The following PTPRU variants were observed in gnomAD, a reference collection of about 807,000 sequenced individuals.
PTPRU encodes protein tyrosine phosphatase receptor type U.
PTPRU carries 69 observed loss-of-function variants against 166.3 expected under a neutral mutation model. The ratio of observed to expected loss-of-function variants is 0.41; its 90% CI spans 0.34 to 0.51. The LOEUF is 0.51. Among genes scored for constraint, PTPRU ranks in the 20% least tolerant of loss-of-function variants. The pLI, the probability that PTPRU is intolerant of heterozygous loss-of-function variation, is 0.09. For missense variants in PTPRU, 1,657 were observed against 2,013.7 expected, an observed-to-expected ratio of 0.82 and a Z score of 3.39; for synonymous variants, 793 against 814.0, an observed-to-expected ratio of 0.97 and a Z score of 0.44.
At chr1:29,278,678 A>G (rs1472922125) in intron 8 of PTPRU, among the ~76,000 whole-genome samples, 3 of 152,244 alleles carry the variant, frequency 2.0e-5, no homozygotes, top group Admixed American at 6.5e-5. Context: ...AAACTACCCA[A>G]CTGGAACAAA....
chr1:29,259,194 A>G, intron 3 of PTPRU, 67 bp from the exon 4 acceptor site: 22 of 1,501,054 alleles, frequency 1.5e-5, no homozygotes, highest in Non-Finnish European at 2.0e-5. Flanking sequence ...CCGAGCTGAA[A>G]GTGGGCACCT....
chr1:29,269,219 CATATATATATATAT>C (rs1239721913), intron 7 of PTPRU, among the ~76,000 whole-genome samples: 1 of 42,398 alleles, frequency 2.4e-5, no homozygotes, highest in African/African-American at 9.5e-5. Flanking sequence ...AATTTATATA[CATATATATATATAT>C]ATATATATAT....
chr1:29,280,649 CTGTGTGTGTGTG>C lies in PTPRU; in HGVS notation c.1868+528_1868+539del, dbSNP rs140481299. Among the ~76,000 whole-genome samples, 7 of 144,002 alleles carry C rather than the reference CTGTGTGTGTGTG, an allele frequency of 4.9e-5. No homozygotes were observed. Among genetic ancestry groups the C allele is most frequent in the Admixed American group, 2.8e-4 (4 of 14,494 alleles). The allele number at this position is 144,002 out of a possible 152,430, so 94.5% of individuals were successfully genotyped here. A position where few individuals can be genotyped will look rare whatever the true frequency, so the allele number is the denominator to read the frequency against. Reference sequence around the variant, plus strand: ...TGGGGAGAGGGTGCTGGAGACAAGACTGTGTGTGTGTGTGTGTGTGTGTGTGTGTGTATGTGG... The same window carrying C: ...TGGGGAGAGGGTGCTGGAGACAAGACTGTGTGTGTGTGTGTGTGTATGTGG... On this transcript the variant is annotated intron_variant, in intron 11 of 29. Coordinates refer to ENST00000373779, the MANE Select transcript of PTPRU (RefSeq NM_133178.4). The surrounding 1 kb of genome is among the most constrained non-coding windows in gnomAD (Gnocchi z 4.2).
chr1:29,271,122 T>A lies in PTPRU; in HGVS notation c.1145-4326T>A, dbSNP rs1171644703. 6.6e-6 allele frequency among the ~76,000 whole-genome samples: 1 copy of A among 152,256 alleles called. No individual in the cohort carries two copies. On this transcript the variant is annotated intron_variant, in intron 7 of 29. Coordinates refer to ENST00000373779, the MANE Select transcript of PTPRU (RefSeq NM_133178.4). The surrounding 1 kb of genome is among the most constrained non-coding windows in gnomAD (Gnocchi z 4.4). ...TTACTAAAGTCAACACATGGTGGCCTAATTCAACAGCTGTTAAATGTTATC... is the reference window on the plus strand; with the variant it reads ...TTACTAAAGTCAACACATGGTGGCCAAATTCAACAGCTGTTAAATGTTATC...
At chr1:29,265,699 C>G (rs1349351479) in intron 7 of PTPRU, among the ~76,000 whole-genome samples, 1 of 152,072 alleles carries the variant, frequency 6.6e-6, no homozygotes, top group Non-Finnish European at 1.5e-5. Flanking sequence ...ATCTGTATAT[C>G]CTCTTTGGTG....
intron 25 of PTPRU, among the ~76,000 whole-genome samples, chr1:29,319,561 C>G (rs958889812): frequency 2.0e-5 from 3 of 152,218 alleles, no homozygotes; most frequent in African/African-American, 7.2e-5. Flanking sequence ...TGTTGGGCAC[C>G]CAGGCCTGAG....
In PTPRU at chr1:29,325,975, G is replaced by A. The variant is rs954562458; in HGVS notation, c.*314G>A. On this transcript the variant is annotated 3_prime_UTR_variant, in exon 30 of 30. Transcript: ENST00000373779. The stretch of plus-strand genomic sequence containing the variant: ...ACAAAGGCTCAGGACGGCTGGCTCT[G>A]GGGGACTCAGGCCAAGCCCCTTGGC... 2.3e-6 allele frequency: 1 copy of A among 441,702 alleles called. No homozygotes were observed. The highest frequency in any genetic ancestry group is 7.4e-5 in the South Asian group (1 of 13,588). 27.4% of individuals were successfully genotyped at this position (441,702 alleles called of 1,614,324 possible).
At chr1:29,266,750 C>T (rs1249751467) in intron 7 of PTPRU, among the ~76,000 whole-genome samples, 1 of 152,044 alleles carries the variant, frequency 6.6e-6, no homozygotes, top group Non-Finnish European at 1.5e-5. Context: ...ATGACTATAA[C>T]CAGGACAGAC....
In PTPRU at chr1:29,316,013, C is replaced by T. The variant is rs1687884957; in HGVS notation, c.3375C>T (p.Ile1125=). Residue 1125 remains isoleucine, a synonymous_variant, in exon 24 of 30, where the codon ATC becomes ATT. Transcript: ENST00000373779. The part of the protein sequence containing the change: ...VNMIQTEEQY[I]FIHDAILEAC... ...ATCTCCTGTTCCAGGAGCAGTACAT[C>T]TTCATTCATGATGCAATCCTGGAGG... 6.2e-7 allele frequency: 1 copy of T among 1,614,128 alleles called. No individual in the cohort carries two copies. Among genetic ancestry groups the T allele is most frequent in the Non-Finnish European group, 8.5e-7 (1 of 1,179,990 alleles).
At chr1:29,258,872 T>C in intron 3 of PTPRU, 96 bp downstream of exon 3, 1 of 1,480,390 alleles carries the variant, frequency 6.8e-7, no homozygotes, top group East Asian at 2.3e-5. Flanking sequence ...GAAGTTAGAA[T>C]GTGTCTGCAT....
chr1:29,312,536 C>T lies in PTPRU; in HGVS notation c.3073-16C>T, dbSNP rs1238831004. 6.4e-7 allele frequency: 1 copy of T among 1,569,382 alleles called. No homozygotes were observed. On this transcript the variant is annotated splice_polypyrimidine_tract_variant and intron_variant, in intron 21 of 29. Transcript: ENST00000373779. ...GCTGCCAGGGACTCTGATTATTATTCCCATTGTCTCCCCAGAGAGGCTACT... is the reference window on the plus strand; with the variant it reads ...GCTGCCAGGGACTCTGATTATTATTTCCATTGTCTCCCCAGAGAGGCTACT...
chr1:29,316,272 T>A, intron 24 of PTPRU, 121 bp downstream of exon 24: 1 of 1,236,532 alleles, frequency 8.1e-7, no homozygotes, highest in Non-Finnish European at 1.1e-6. Context: ...AGGCCACAGC[T>A]GGAGGGACAG....
At chr1:29,261,283 T>C (rs917991752) in intron 7 of PTPRU, among the ~76,000 whole-genome samples, 1 of 152,222 alleles carries the variant, frequency 6.6e-6, no homozygotes, top group African/African-American at 2.4e-5. Flanking sequence ...CTCCAGAATC[T>C]GTGTTCTTAA....
intron 11 of PTPRU, among the ~76,000 whole-genome samples, chr1:29,282,175 A>G (rs979459310): frequency 6.6e-6 from 1 of 152,238 alleles, no homozygotes; most frequent in Non-Finnish European, 1.5e-5. Context: ...AGTGTATAGC[A>G]CAGGGCTCAT....
chr1:29,239,830 C>T (rs1683960497), intron 1 of PTPRU, among the ~76,000 whole-genome samples: 1 of 152,134 alleles, frequency 6.6e-6, no homozygotes, highest in African/African-American at 2.4e-5. Context: ...CCTCCTCCTT[C>T]CCTCTTTCCC....
chr1:29,319,871 C>T (rs1411517292), intron 25 of PTPRU, among the ~76,000 whole-genome samples: 3 of 151,922 alleles, frequency 2.0e-5, no homozygotes, highest in Non-Finnish European at 4.4e-5. Flanking sequence ...TGGGGCAGGG[C>T]AGGTCACCAG....
intron 18 of PTPRU, among the ~76,000 whole-genome samples, chr1:29,306,545 G>A (rs1337269760): frequency 2.0e-5 from 3 of 152,232 alleles, no homozygotes; most frequent in African/African-American, 7.2e-5. Context: ...CAGCTTGAGT[G>A]TTACACAGCA....
chr1:29,260,101 C>T lies in PTPRU; in HGVS notation c.850+57C>T, dbSNP rs1684982892. On this transcript the variant is annotated intron_variant, in intron 6 of 29. Transcript: ENST00000373779. This position sits in a 1 kb window ranked among gnomAD's most constrained non-coding sequence, Gnocchi z 8.3. ...CCTCACCCTCGAGGGGCGGGGCCGG[C>T]GACGGGGGCGGGCTCTGCCCGGGGG... 1.7e-5 allele frequency: 21 copies of T among 1,224,140 alleles called. No individual in the cohort carries two copies. Among genetic ancestry groups the T allele is most frequent in the Non-Finnish European group, 1.9e-5 (19 of 976,454 alleles). 75.8% of individuals were successfully genotyped at this position (1,224,140 alleles called of 1,614,324 possible).
rs926235128 is a variant in PTPRU at position 29,311,600 on chromosome 1, G to A, written c.2956-43G>A. On this transcript the variant is annotated intron_variant, in intron 20 of 29. Coordinates refer to ENST00000373779, the MANE Select transcript of PTPRU (RefSeq NM_133178.4). This position sits in a 1 kb window ranked among gnomAD's most constrained non-coding sequence, Gnocchi z 4.1. ...GCTGGGGCGCATGGCAGGCCAAGGG[G>A]GCAGCAAAGAGCCCACTGAGTCCCG... is the stretch of plus-strand genomic sequence containing the variant. 3.1e-6 allele frequency: 5 copies of A among 1,613,952 alleles called. No individual in the cohort carries two copies. The highest frequency in any genetic ancestry group is 1.3e-5 in the African/African-American group (1 of 74,938).
Sources: allele counts gnomAD v4.1 joint callset (sites outside exome capture counted in the v4.1 genomes callset), GRCh38; gene constraint gnomAD v4.1.1; non-coding constraint Gnocchi (gnomAD v3.1); transcripts MANE v1.5; gene names NCBI Gene and HGNC (gene_info 2026-07-23, HGNC 2026-07-21).